Variants in ZNF324B observed in about 807,000 individuals in gnomAD.
ZNF324B encodes zinc finger protein 324B.
ZNF324B carries 7 observed loss-of-function variants against 10.6 expected under a neutral mutation model. The ratio of observed to expected loss-of-function variants is 0.66; its 90% CI spans 0.38 to 1.24. The LOEUF is 1.24. Among genes scored for constraint, ZNF324B ranks in the 50% most tolerant of loss-of-function variants. ZNF324B has a pLI of 0.02. For synonymous variants in ZNF324B, 316 were observed against 321.0 expected (o/e 0.98, Z 0.17); for missense variants, 640 against 764.7 (o/e 0.84, Z 1.92).
the ZNF324B span, chr19:58,419,371 T>G: frequency 5.9e-5 from 9 of 151,968 alleles, no homozygotes; most frequent in Non-Finnish European, 1.0e-4. Flanking sequence ...GCCTGTTGGG[T>G]AGAGTAATTT....
chr19:58,453,080 TAAAAATAA>T (rs1424663875), intron 1 of ZNF324B: 5 of 104,118 alleles, frequency 4.8e-5, no homozygotes, highest in African/African-American at 1.2e-4. Flanking sequence ...GTCTCCAAAA[TAAAAATAA>T]ATAAATAAAT....
At chr19:58,446,658 C>A (rs2052829265), upstream of ZNF324B, among the ~76,000 whole-genome samples, 1 of 146,158 alleles carries the variant, frequency 6.8e-6, no homozygotes. Context: ...CTCACTGCAA[C>A]CTCCGCCTCC....
At chr19:58,443,922 A>G in the ZNF324B span, 6 of 152,268 alleles carry the variant, frequency 3.9e-5, no homozygotes, top group African/African-American at 1.4e-4. Context: ...AGAGCTGTAT[A>G]GGATCACTGC....
the ZNF324B span, chr19:58,442,158 G>GTTTTTTTTTTTTTTTTTT: frequency 1.2e-5 from 1 of 82,982 alleles, no homozygotes; most frequent in African/African-American, 6.8e-5. Flanking sequence ...GAGTGTTACA[G>GTTTTTTTTTTTTTTTTTT]TTCTTTTTTT....
chr19:58,419,357 A>AG, the ZNF324B span: 1 of 152,168 alleles, frequency 6.6e-6, no homozygotes, highest in Non-Finnish European at 1.5e-5. Flanking sequence ...TAAGACCTAT[A>AG]GGGGCCTGTT....
the ZNF324B span, chr19:58,440,049 C>G: frequency 1.9e-6 from 1 of 536,690 alleles, no homozygotes; most frequent in South Asian, 2.5e-5. Context: ...CACTATGGTG[C>G]GTGTGAAGGC....
chr19:58,456,478 G>T lies in ZNF324B; in HGVS notation c.1534G>T (p.Ala512Ser). Residue 512 changes from alanine (A) to serine (S), a missense_variant, in exon 4 of 4, where the codon GCA becomes TCA. Physicochemically the swap from Ala to Ser is moderately conservative, Grantham distance 99. Transcript: ENST00000336614. The surrounding 1 kb of genome is among the most constrained non-coding windows in gnomAD (Gnocchi z 4.7). ...IHTTEKTNAA[A>S]PDCTPGPGFL... Reference sequence around the variant, plus strand: ...CACCACAGAGAAGACCAATGCCGCAGCACCAGACTGCACCCCGGGGCCAGG... The same window carrying T: ...CACCACAGAGAAGACCAATGCCGCATCACCAGACTGCACCCCGGGGCCAGG... The T allele has an allele frequency of 6.2e-7, 1 of 1,614,170 alleles. No homozygotes were observed. Among genetic ancestry groups the T allele is most frequent in the Non-Finnish European group, 8.5e-7 (1 of 1,180,042 alleles).
At chr19:58,435,060 G>A in the ZNF324B span, 5 of 1,614,010 alleles carry the variant, frequency 3.1e-6, no homozygotes, top group Non-Finnish European at 4.2e-6. Flanking sequence ...GCTCAGCCAG[G>A]TGCAAAATGT....
Position 58,454,394 on chromosome 19 carries a change from C to T in ZNF324B, c.238+50C>T, listed in dbSNP as rs553427647. On this transcript the variant is annotated intron_variant, in intron 3 of 3. Coordinates refer to ENST00000336614, the MANE Select transcript of ZNF324B (RefSeq NM_207395.3). ...AACTAAGGACCAACCTGTGGCCAAG[C>T]CCATGTCCCTGCTTTTCTGACTCTG... 4 of 1,189,486 alleles carry T rather than the reference C, an allele frequency of 3.4e-6. No homozygotes were observed. In the East Asian group the frequency reaches 7.0e-5, roughly 21 times the overall value. The allele number at this position is 1,189,486 out of a possible 1,614,324, so 73.7% of individuals were successfully genotyped here.
At chr19:58,436,667 CAAAAAAAAAAAAA>C in the ZNF324B span, among the ~76,000 whole-genome samples, 25 of 65,542 alleles carry the variant, frequency 3.8e-4, no homozygotes, top group Middle Eastern at 9.1e-3. Context: ...GACTCCATCT[CAAAAAAAAAAAAA>C]AAAAAAAAAA....
chr19:58,430,535 T>G, the ZNF324B span: 5 of 152,262 alleles, frequency 3.3e-5, no homozygotes, highest in Admixed American at 3.3e-4. Flanking sequence ...GTGATTTTTC[T>G]TAAAAGGGGG....
In ZNF324B at chr19:58,455,468, G is replaced by T. The variant is rs1188058304; in HGVS notation, c.524G>T (p.Arg175Met). 1 of 1,614,090 alleles carries T rather than the reference G, an allele frequency of 6.2e-7. No homozygotes were observed. Among genetic ancestry groups the T allele is most frequent in the Non-Finnish European group, 8.5e-7 (1 of 1,179,980 alleles). ...AGGCCCCCCAAGAGCAGCCGGCCCA[G>T]GGAAAAGACCTTCACAGAGTACCGG... Reference protein sequence around the residue: ...PLRPPKSSRPREKTFTEYRVP... With the variant: ...PLRPPKSSRPMEKTFTEYRVP... The change falls in exon 4 of 4, where the codon AGG becomes ATG. Residue 175 changes from arginine (R) to methionine (M), a missense_variant. Transcript: ENST00000336614. This position sits in a 1 kb window ranked among gnomAD's most constrained non-coding sequence, Gnocchi z 7.0.
At chr19:58,436,267 CATT>C in the ZNF324B span, 1 of 154,184 alleles carries the variant, frequency 6.5e-6, no homozygotes, top group Non-Finnish European at 1.5e-5. Flanking sequence ...GCTAAAATTA[CATT>C]ATAGCAATGA....
Position 58,456,186 on chromosome 19 carries a change from G to T in ZNF324B, c.1242G>T (p.Leu414Phe). Residue 414 changes from leucine to phenylalanine, a missense_variant, in exon 4 of 4, where the codon TTG (leucine) becomes TTT (phenylalanine). Leu to Phe is a conservative substitution (Grantham distance 22). This residue lies in a region of ZNF324B where 238 missense variants were observed against 258.0 expected (regional missense o/e 0.92). Transcript: ENST00000336614. The surrounding 1 kb of genome is among the most constrained non-coding windows in gnomAD (Gnocchi z 4.7). ...AAFSQGSSLF[L>F]HQRVHTGEKP... ...TCAGCCAGGGCTCCTCGCTCTTTTT[G>T]CACCAGCGCGTGCACACAGGCGAGA... 1 of 1,613,196 alleles carries T rather than the reference G, an allele frequency of 6.2e-7. No individual in the cohort carries two copies. Among genetic ancestry groups the T allele is most frequent in the Non-Finnish European group, 8.5e-7 (1 of 1,179,790 alleles).
chr19:58,447,861 G>A (rs145335836), upstream of ZNF324B, among the ~76,000 whole-genome samples: 940 of 152,330 alleles, frequency 6.2e-3, 14 homozygotes, highest in African/African-American at 0.022. Flanking sequence ...CACTGTTCTC[G>A]TGGTAGTGAA....
the ZNF324B span, among the ~76,000 whole-genome samples, chr19:58,426,422 A>G: frequency 6.6e-6 from 1 of 152,218 alleles, no homozygotes; most frequent in African/African-American, 2.4e-5. Context: ...TCTGGTGGAC[A>G]CTGTGAGACA....
rs959227918 is a variant in ZNF324B, at chr19:58,453,680, C to T, written c.-6-16C>T. 1.9e-6 allele frequency: 3 copies of T among 1,614,078 alleles called. No homozygotes were observed. In the South Asian group the frequency reaches 3.3e-5, roughly 18 times the overall value. On this transcript the variant is annotated splice_polypyrimidine_tract_variant and intron_variant, in intron 1 of 3. Coordinates refer to ENST00000336614, the MANE Select transcript of ZNF324B (RefSeq NM_207395.3). Reference sequence around the variant, plus strand: ...TACCTTAGACCATGCCTACCTCCACCTCCCTGCTGTTTTAGGACCTGATGA... The same window carrying T: ...TACCTTAGACCATGCCTACCTCCACTTCCCTGCTGTTTTAGGACCTGATGA...
the ZNF324B span, among the ~76,000 whole-genome samples, chr19:58,427,366 C>CTTTCTCTTTCCTTTCTTTCTT: frequency 4.8e-5 from 2 of 41,874 alleles, no homozygotes; most frequent in Non-Finnish European, 9.9e-5. Flanking sequence ...TTCTTTCTTT[C>CTTTCTCTTTCCTTTCTTTCTT]TTTCTTTCTT....
chr19:58,425,333 C>T, the ZNF324B span, among the ~76,000 whole-genome samples: 1 of 152,164 alleles, frequency 6.6e-6, no homozygotes, highest in East Asian at 1.9e-4. Flanking sequence ...ATCCTCCTGC[C>T]TTGGCCTACC....
Sources: allele counts gnomAD v4.1 joint callset (sites outside exome capture counted in the v4.1 genomes callset), GRCh38; gene constraint gnomAD v4.1.1; regional missense constraint gnomAD v4.1.1; non-coding constraint Gnocchi (gnomAD v3.1); transcripts MANE v1.5; gene names NCBI Gene and HGNC (gene_info 2026-07-23, HGNC 2026-07-21).